Variants in CEP68 observed in about 807,000 individuals in gnomAD.
The protein encoded by CEP68 is centrosomal protein 68.
CEP68 carries 26 observed loss-of-function variants against 55.3 expected under a neutral mutation model. The ratio of observed to expected loss-of-function variants is 0.47; its 90% CI spans 0.34 to 0.65. The LOEUF (loss-of-function observed/expected upper bound fraction) is 0.65, where lower values mean the gene tolerates loss of function less well. Ranked by LOEUF, CEP68 falls within the 30% of genes least tolerant of loss-of-function variation. The pLI is 0.01. For synonymous variants in CEP68, 402 were observed against 383.2 expected, an observed-to-expected ratio of 1.05 and a Z score of -0.57; for missense variants, 957 against 946.7, an observed-to-expected ratio of 1.01 and a Z score of -0.14.
chr2:65,075,396 G>T (rs765282814), intron 4 of CEP68: 3 of 152,086 alleles, frequency 2.0e-5, no homozygotes, highest in Admixed American at 6.6e-5. Flanking sequence ...GACCGAGACC[G>T]TCTCAAAAAA....
chr2:65,074,468 A>C (rs1398493772), intron 4 of CEP68, 64 bp downstream of exon 4: 1 of 1,611,012 alleles, frequency 6.2e-7, no homozygotes. Context: ...ACTCGATTAC[A>C]AAGTAAAATC....
chr2:65,080,494 C>T (rs889506976), intron 5 of CEP68: 1 of 985,264 alleles, frequency 1.0e-6, no homozygotes, highest in Non-Finnish European at 1.2e-6. Flanking sequence ...TTTTATTTGG[C>T]CCCAACCAAA....
chr2:65,066,767 T>TATAC (rs1553384198), intron 1 of CEP68, among the ~76,000 whole-genome samples: 10 of 69,482 alleles, frequency 1.4e-4, no homozygotes, highest in Admixed American at 6.1e-4. Flanking sequence ...TATATATATA[T>TATAC]ACACACACAA....
At chr2:65,080,004 G>A (rs1281417001) in intron 5 of CEP68, among the ~76,000 whole-genome samples, 2 of 152,086 alleles carry the variant, frequency 1.3e-5, no homozygotes, top group Admixed American at 6.5e-5. Context: ...GTGGTGGGGA[G>A]CACCTGTAAT....
chr2:65,072,691 C>G lies in CEP68; in HGVS notation c.1595C>G (p.Ser532Ter). The G allele has an allele frequency of 5.0e-6, 8 of 1,614,172 alleles. No homozygotes were observed. Among genetic ancestry groups the G allele is most frequent in the Non-Finnish European group, 6.8e-6 (8 of 1,180,034 alleles). Reference sequence around the variant, plus strand: ...AGTGATGGGCCAGCTTCCTTCCCTTCAAGCTCCAGCCAAAGCCAGCTTCCC... The same window carrying G: ...AGTGATGGGCCAGCTTCCTTCCCTTGAAGCTCCAGCCAAAGCCAGCTTCCC... ...SDSDGPASFP[S>*]SSSQSQLPPG... The change falls in exon 3 of 7, where the codon TCA becomes TGA. Residue 532 changes from serine to a stop codon, truncating the protein, a stop_gained. Transcript: ENST00000377990. LOFTEE classifies it high-confidence loss of function.
intron 5 of CEP68, among the ~76,000 whole-genome samples, chr2:65,079,948 A>C (rs1302980419): frequency 6.6e-6 from 1 of 152,118 alleles, no homozygotes; most frequent in Non-Finnish European, 1.5e-5. Context: ...AGCCTGACCA[A>C]CATGGAGAAA....
At chr2:65,080,948 T>G (rs1018931379) in intron 5 of CEP68, among the ~76,000 whole-genome samples, 11 of 151,204 alleles carry the variant, frequency 7.3e-5, no homozygotes, top group African/African-American at 2.7e-4. Flanking sequence ...CGGTGGCTCA[T>G]GCCTGTAATC....
At chr2:65,066,337 C>G (rs1676163477) in intron 1 of CEP68, among the ~76,000 whole-genome samples, 1 of 152,176 alleles carries the variant, frequency 6.6e-6, no homozygotes, top group African/African-American at 2.4e-5. Context: ...TGGCTTACAC[C>G]TGTAATCCTA....
chr2:65,068,510 C>A (rs575644765), intron 1 of CEP68, among the ~76,000 whole-genome samples: 4 of 152,214 alleles, frequency 2.6e-5, no homozygotes, highest in Non-Finnish European at 5.9e-5. Flanking sequence ...TGCAGCATAA[C>A]CCAGGCCAGC....
intron 2 of CEP68, 182 bp from the exon 3 acceptor site, chr2:65,071,272 G>C (rs902982401): frequency 5.0e-6 from 3 of 597,634 alleles, no homozygotes; most frequent in Non-Finnish European, 8.9e-6. Context: ...AGACAGGCAG[G>C]GTCTCAGTGC....
chr2:65,061,565 T>C (rs986975821), intron 1 of CEP68, among the ~76,000 whole-genome samples: 2 of 152,224 alleles, frequency 1.3e-5, no homozygotes, highest in Non-Finnish European at 2.9e-5. Flanking sequence ...TTACTTTGAT[T>C]TTACCTGCAG....
Position 65,086,945 on chromosome 2 carries a change from A to C in CEP68, c.*3311A>C, listed in dbSNP as rs543511407. Reference sequence around the variant, plus strand: ...TCATTTTACAATTATCTTACCACTTATTTTTGTACCATGTATTTCAATTGC... The same window carrying C: ...TCATTTTACAATTATCTTACCACTTCTTTTTGTACCATGTATTTCAATTGC... On this transcript the variant is annotated 3_prime_UTR_variant, in exon 7 of 7. Transcript: ENST00000377990. 1 of 152,690 alleles carries C rather than the reference A, an allele frequency of 6.5e-6. No individual in the cohort carries two copies. Among genetic ancestry groups the C allele is most frequent in the East Asian group, 1.9e-4 (1 of 5,192 alleles). The allele number at this position is 152,690 out of a possible 1,614,324, so 9.5% of individuals were successfully genotyped here.
rs1668955394 is a variant in CEP68, at chr2:65,084,225, A to G, written c.*591A>G. On this transcript the variant is annotated 3_prime_UTR_variant, in exon 7 of 7. Transcript: ENST00000377990. Reference sequence around the variant, plus strand: ...TTGGGAGATTATGACACCTTTTGCCATCTTCAGGGCTTACGTCTTTACTTT... The same window carrying G: ...TTGGGAGATTATGACACCTTTTGCCGTCTTCAGGGCTTACGTCTTTACTTT... 1 of 152,202 alleles carries G rather than the reference A, an allele frequency of 6.6e-6. No homozygotes were observed. The highest frequency in any genetic ancestry group is 6.5e-5 in the Admixed American group (1 of 15,272). 9.4% of individuals were successfully genotyped at this position (152,202 alleles called of 1,614,324 possible).
rs371325469 is a variant in CEP68 at position 65,071,856 on chromosome 2, T to A, written c.760T>A (p.Phe254Ile). 1.9e-6 allele frequency: 3 copies of A among 1,606,418 alleles called. No homozygotes were observed. Among genetic ancestry groups the A allele is most frequent in the African/African-American group, 2.7e-5 (2 of 74,722 alleles). Residue 254 changes from phenylalanine to isoleucine, a missense_variant, in exon 3 of 7, where the codon TTC becomes ATC. Transcript: ENST00000377990. ...PRPQWSPQPV[F>I]SGGDASGLGR... The stretch of plus-strand genomic sequence containing the variant: ...GCCCCAGTGGTCACCACAGCCTGTG[T>A]TCTCTGGGGGTGATGCTTCTGGGCT...
At chr2:65,065,653 C>T (rs1212218228) in intron 1 of CEP68, among the ~76,000 whole-genome samples, 2 of 152,158 alleles carry the variant, frequency 1.3e-5, no homozygotes, top group East Asian at 1.9e-4. Flanking sequence ...GCTGTACATA[C>T]ATTTATGAAA....
At chr2:65,079,472 C>A (rs558235581) in intron 5 of CEP68, among the ~76,000 whole-genome samples, 1 of 152,356 alleles carries the variant, frequency 6.6e-6, no homozygotes, top group African/African-American at 2.4e-5. Flanking sequence ...GAATAGTTTT[C>A]AGCAGGTAAG....
chr2:65,058,035 A>T (rs1216135981), intron 1 of CEP68, among the ~76,000 whole-genome samples: 1 of 152,246 alleles, frequency 6.6e-6, no homozygotes, highest in African/African-American at 2.4e-5. Context: ...GGATTAAATA[A>T]GATATTGATG....
rs1668977613 is a variant in CEP68, at chr2:65,084,699, CCTA to C, written c.*1066_*1068del. 6.6e-6 allele frequency: 1 copy of C among 152,080 alleles called. No individual in the cohort carries two copies. Among genetic ancestry groups the C allele is most frequent in the Non-Finnish European group, 1.5e-5 (1 of 68,020 alleles). The allele number at this position is 152,080 out of a possible 1,614,324, so 9.4% of individuals were successfully genotyped here. On this transcript the variant is annotated 3_prime_UTR_variant, in exon 7 of 7. Coordinates refer to ENST00000377990, the MANE Select transcript of CEP68 (RefSeq NM_015147.3). ...GCACAGTAACAATGGAAACTAAAGT[CCTA>C]TTATTAATGTGACTTTTCTGCTTCA...
At chr2:65,078,344 C>T (rs1676857739) in intron 5 of CEP68, among the ~76,000 whole-genome samples, 1 of 152,158 alleles carries the variant, frequency 6.6e-6, no homozygotes, top group Non-Finnish European at 1.5e-5. Context: ...CCCCACCTTA[C>T]CTAGCCCAGG....
Sources: allele counts gnomAD v4.1 joint callset (sites outside exome capture counted in the v4.1 genomes callset), GRCh38; gene constraint gnomAD v4.1.1; transcripts MANE v1.5; gene names NCBI Gene and HGNC (gene_info 2026-07-23, HGNC 2026-07-21).